The following GRK5 variants were observed in gnomAD, a reference collection of about 807,000 sequenced individuals.
The protein encoded by GRK5 is g protein-coupled receptor kinase GRK5.
GRK5 carries 40 observed loss-of-function variants against 78.4 expected under a neutral mutation model. The observed-to-expected ratio is 0.51, with a 90% CI of 0.40 to 0.66. GRK5 has a LOEUF of 0.66. GRK5 is among the 30% of genes least tolerant of loss of function. GRK5 has a pLI of 0.00. For missense variants in GRK5, 598 were observed against 759.9 expected (o/e 0.79, Z 2.50); for synonymous variants, 289 against 296.8 (o/e 0.97, Z 0.27).
In GRK5 at chr10:119,343,596, C is replaced by T. The variant is rs563189280; in HGVS notation, c.148+16985C>T. Among the ~76,000 whole-genome samples, 18 of 152,296 alleles carry T rather than the reference C, an allele frequency of 1.2e-4. No homozygotes were observed. The East Asian group carries it at 2.7e-3, about 23-fold the overall frequency. On this transcript the variant is annotated intron_variant, in intron 2 of 15. Coordinates refer to ENST00000392870, the MANE Select transcript of GRK5 (RefSeq NM_005308.3). ...ATATTGGCCATGGCTTCCCCGTGGACGTGGAACAATATGGGCATGTTTGGG... is the reference window on the plus strand; with the variant it reads ...ATATTGGCCATGGCTTCCCCGTGGATGTGGAACAATATGGGCATGTTTGGG...
chr10:119,389,831 CA>C (rs1564914982), intron 3 of GRK5, among the ~76,000 whole-genome samples: 4 of 130,746 alleles, frequency 3.1e-5, no homozygotes, highest in African/African-American at 8.4e-5. Flanking sequence ...CACACACACA[CA>C]CACACCCAAC....
chr10:119,402,584 G>A (rs1181876749), intron 4 of GRK5, among the ~76,000 whole-genome samples: 1 of 152,320 alleles, frequency 6.6e-6, no homozygotes, highest in Non-Finnish European at 1.5e-5. Context: ...CGGGTGCAGT[G>A]TCTCACACCT....
intron 1 of GRK5, among the ~76,000 whole-genome samples, chr10:119,295,467 G>A (rs374519039): frequency 1.8e-4 from 28 of 152,246 alleles, no homozygotes; most frequent in African/African-American, 6.5e-4. Context: ...CCACTCCTGG[G>A]TATCTACCCA....
chr10:119,212,653 C>T (rs187471090), intron 1 of GRK5, among the ~76,000 whole-genome samples: 1 of 152,242 alleles, frequency 6.6e-6, no homozygotes, highest in East Asian at 1.9e-4. Context: ...CAAGATAAAG[C>T]ATTATAATGT....
chr10:119,312,146 C>T (rs1435404708), intron 1 of GRK5, among the ~76,000 whole-genome samples: 1 of 152,096 alleles, frequency 6.6e-6, no homozygotes, highest in Admixed American at 6.5e-5. Flanking sequence ...CTCCTGACCT[C>T]GTGTGGTGAT....
intron 6 of GRK5, among the ~76,000 whole-genome samples, chr10:119,427,343 A>ACTGCTGTCATCAATATC (rs1259303565): frequency 6.7e-6 from 1 of 149,402 alleles, no homozygotes; most frequent in Non-Finnish European, 1.5e-5. Flanking sequence ...CATCAACATC[A>ACTGCTGTCATCAATATC]CCACCATCAT....
chr10:119,238,730 A>G lies in GRK5; in HGVS notation c.52+30761A>G, dbSNP rs1054394011. ...TCAAGGCCTGAGATTGATGCACTCT[A>G]ATTTGCCATCTGGAATTGGTTAGCC... On this transcript the variant is annotated intron_variant, in intron 1 of 15. Transcript: ENST00000392870. The surrounding 1 kb of genome is among the most constrained non-coding windows in gnomAD (Gnocchi z 4.7). Among the ~76,000 whole-genome samples, 2 of 152,104 alleles carry G rather than the reference A, an allele frequency of 1.3e-5. No individual in the cohort carries two copies. Among genetic ancestry groups the G allele is most frequent in the East Asian group, 1.9e-4 (1 of 5,190 alleles).
chr10:119,321,077 A>C (rs1850575514), intron 1 of GRK5, among the ~76,000 whole-genome samples: 1 of 152,224 alleles, frequency 6.6e-6, no homozygotes, highest in African/African-American at 2.4e-5. Flanking sequence ...TTGAGAGCCA[A>C]ACATTTGTCT....
Position 119,394,260 on chromosome 10 carries a change from C to CCG in GRK5, c.262-2435_262-2434insCG. Among the ~76,000 whole-genome samples the CCG allele has an allele frequency of 6.0e-4, 3 of 4,984 alleles. 1 individual carries two copies. The highest frequency in any genetic ancestry group is 1.1e-3 in the Non-Finnish European group (3 of 2,764). The allele number at this position is 4,984 out of a possible 152,430, so 3.3% of individuals were successfully genotyped here. A position where few individuals can be genotyped will look rare whatever the true frequency, so the allele number is the denominator to read the frequency against. ...TGTGGGTGTCTGTGTGTGGATGTAT[C>CCG]TGTGTGTGTGTGGGCGTGTGTGTGG... is the stretch of plus-strand genomic sequence containing the variant. On this transcript the variant is annotated intron_variant, in intron 3 of 15. Transcript: ENST00000392870.
chr10:119,336,720 C>T lies in GRK5; in HGVS notation c.148+10109C>T, dbSNP rs543024369. Among the ~76,000 whole-genome samples, 1 of 152,324 alleles carries T rather than the reference C, an allele frequency of 6.6e-6. No homozygotes were observed. The highest frequency in any genetic ancestry group is 2.4e-5 in the African/African-American group (1 of 41,572). The stretch of plus-strand genomic sequence containing the variant: ...GTCAGGGAAACCAAGTCTCTGCAGA[C>T]GTCATTGCTGTCCTTGGGGTGATAA... On this transcript the variant is annotated intron_variant, in intron 2 of 15. Transcript: ENST00000392870. The surrounding 1 kb of genome is among the most constrained non-coding windows in gnomAD (Gnocchi z 4.5).
chr10:119,288,639 G>A (rs1164911545), intron 1 of GRK5, among the ~76,000 whole-genome samples: 2 of 152,182 alleles, frequency 1.3e-5, no homozygotes, highest in Non-Finnish European at 2.9e-5. Flanking sequence ...TGGCTGGAAC[G>A]TGACCCCACA....
chr10:119,294,076 G>C (rs916261409), intron 1 of GRK5, among the ~76,000 whole-genome samples: 4 of 152,156 alleles, frequency 2.6e-5, no homozygotes, highest in Non-Finnish European at 5.9e-5. Context: ...TTACTTTCAT[G>C]GTGTGAGGAG....
At chr10:119,423,317 G>T in intron 5 of GRK5, 51 bp downstream of exon 5, 1 of 1,298,448 alleles carries the variant, frequency 7.7e-7, no homozygotes, top group Non-Finnish European at 1.1e-6. Flanking sequence ...CCAGAGATGG[G>T]ATGCCGCAGC....
intron 1 of GRK5, among the ~76,000 whole-genome samples, chr10:119,259,402 G>T (rs1471977656): frequency 6.6e-6 from 1 of 152,178 alleles, no homozygotes; most frequent in African/African-American, 2.4e-5. Context: ...TCTACTGGTG[G>T]CTTCCTTTTC....
rs182674538 is a variant in GRK5 at position 119,372,352 on chromosome 10, C to T, written c.149-8463C>T. Among the ~76,000 whole-genome samples, 5 of 152,364 alleles carry T rather than the reference C, an allele frequency of 3.3e-5. No homozygotes were observed. The East Asian group carries it at 7.7e-4, about 23-fold the overall frequency. ...TAGAATATTCATGAGGATCCAACTT[C>T]GTGGTGGAGGCTGAGGACAGAAGTT... On this transcript the variant is annotated intron_variant, in intron 2 of 15. Coordinates refer to ENST00000392870, the MANE Select transcript of GRK5 (RefSeq NM_005308.3).
chr10:119,310,998 G>T (rs1563286), intron 1 of GRK5, among the ~76,000 whole-genome samples: 1 of 152,130 alleles, frequency 6.6e-6, no homozygotes. Context: ...TCAACAGACA[G>T]AGTGAGATGG....
At chr10:119,451,444 G>A (rs995121568) in intron 13 of GRK5, among the ~76,000 whole-genome samples, 3 of 152,048 alleles carry the variant, frequency 2.0e-5, no homozygotes, top group Non-Finnish European at 2.9e-5. Context: ...AGGGCACCCT[G>A]GGTCCCCACA....
Position 119,380,919 on chromosome 10 carries a change from G to A in GRK5, c.253G>A (p.Asp85Asn). 4.4e-6 allele frequency: 7 copies of A among 1,603,956 alleles called. No homozygotes were observed. Among genetic ancestry groups the A allele is most frequent in the Non-Finnish European group, 6.0e-6 (7 of 1,170,962 alleles). ...GCTGGAGTGTTACATTCAGTTCCTG[G>A]ACTCCGTGGTAAGTTCCTGCTCCTG... ...PGLECYIQFL[D>N]SVAEYEVTPD... is the part of the protein sequence containing the mutation. Residue 85 changes from aspartate to asparagine, a missense_variant, in exon 3 of 16, where the codon GAC (aspartate) becomes AAC (asparagine). Asp to Asn is a conservative substitution (Grantham distance 23). Transcript: ENST00000392870.
intron 8 of GRK5, among the ~76,000 whole-genome samples, chr10:119,435,467 T>C (rs966299577): frequency 2.6e-5 from 4 of 152,212 alleles, no homozygotes; most frequent in African/African-American, 9.6e-5. Flanking sequence ...CTCTCTCAAG[T>C]TCAAAGTTTC....
Sources: allele counts gnomAD v4.1 joint callset (sites outside exome capture counted in the v4.1 genomes callset), GRCh38; gene constraint gnomAD v4.1.1; non-coding constraint Gnocchi (gnomAD v3.1); transcripts MANE v1.5; gene names NCBI Gene and HGNC (gene_info 2026-07-23, HGNC 2026-07-21).